RRAGB: variants seen among roughly 807,000 people sequenced by gnomAD.
RRAGB encodes the protein Ras related GTP binding B, also known as ras-related GTP-binding protein B.
In RRAGB, 6 loss-of-function variants were observed where a neutral mutation model predicts 29.3. The ratio of observed to expected loss-of-function variants is 0.21; its 90% CI spans 0.11 to 0.40. The LOEUF is 0.40. RRAGB is among the 10% of genes least tolerant of loss of function. The pLI is 1.00. For missense variants in RRAGB, 184 were observed against 272.9 expected (o/e 0.67, Z 2.29); for synonymous variants, 101 against 92.5 (o/e 1.09, Z -0.53).
chrX:55,749,275 C>T (rs1360812126), intron 5 of RRAGB, among the ~76,000 whole-genome samples: 3 of 85,394 alleles, frequency 3.5e-5, no homozygotes, highest in East Asian at 8.0e-4. Context: ...AAGTGAGGAG[C>T]CCCTCTGCCC....
At chrX:55,755,809 A>T in intron 7 of RRAGB, 32 bp from the exon 8 acceptor site, 1 of 1,174,199 alleles carries the variant, frequency 8.5e-7, no homozygotes, top group South Asian at 1.8e-5. Flanking sequence ...ACTATTTTGC[A>T]TGGATTCAAA....
intron 5 of RRAGB, among the ~76,000 whole-genome samples, chrX:55,747,873 C>T (rs1016356292): frequency 4.9e-5 from 5 of 102,719 alleles, no homozygotes; most frequent in Admixed American, 2.1e-4. Context: ...CCTCTTTCCA[C>T]GGTCTCCCTC....
chrX:55,756,294 A>G (rs1270200508), intron 8 of RRAGB, among the ~76,000 whole-genome samples: 1 of 112,513 alleles, frequency 8.9e-6, no homozygotes, highest in Non-Finnish European at 1.9e-5. Flanking sequence ...TTAAGTATTT[A>G]CTATTTGACT....
intron 5 of RRAGB, among the ~76,000 whole-genome samples, chrX:55,748,469 C>G (rs1299980417): frequency 4.5e-4 from 48 of 107,260 alleles, no homozygotes; most frequent in Non-Finnish European, 7.4e-4. Flanking sequence ...CGAGGAGAGT[C>G]TCTGCCTGGC....
intron 2 of RRAGB, 27 bp from the exon 3 acceptor site, chrX:55,722,159 C>T (rs1380810572): frequency 1.3e-5 from 13 of 1,000,711 alleles, no homozygotes; most frequent in Admixed American, 9.3e-5. Flanking sequence ...AACTTTTTTC[C>T]TTTCCTTTTC....
intron 6 of RRAGB, chrX:55,752,231 A>G: frequency 1.3e-6 from 1 of 753,485 alleles, no homozygotes; most frequent in Middle Eastern, 7.6e-4. Flanking sequence ...TCAAAGCCTT[A>G]TTCCCATAGA....
At chrX:55,748,303 T>C (rs2034331572) in intron 5 of RRAGB, among the ~76,000 whole-genome samples, 1 of 112,046 alleles carries the variant, frequency 8.9e-6, no homozygotes. Flanking sequence ...GTCTGGGAAG[T>C]GAGGAGCGTC....
At chrX:55,750,383 A>G (rs544387628) in intron 5 of RRAGB, among the ~76,000 whole-genome samples, 1 of 111,083 alleles carries the variant, frequency 9.0e-6, no homozygotes, top group South Asian at 3.8e-4. Context: ...TCAGAAAGCA[A>G]TCTGGAGGCA....
intron 5 of RRAGB, among the ~76,000 whole-genome samples, chrX:55,734,209 T>C (rs746741385): frequency 9.1e-6 from 1 of 109,384 alleles, no homozygotes; most frequent in South Asian, 4.0e-4. Flanking sequence ...ATGATCCGCC[T>C]GCCTCGGCCT....
intron 5 of RRAGB, among the ~76,000 whole-genome samples, chrX:55,744,111 G>A (rs770398020): frequency 1.8e-5 from 2 of 110,108 alleles, no homozygotes; most frequent in Non-Finnish European, 3.8e-5. Flanking sequence ...AGTATAGGCC[G>A]GACATGGTGG....
chrX:55,740,793 C>T (rs2034040107), intron 5 of RRAGB, among the ~76,000 whole-genome samples: 1 of 111,239 alleles, frequency 9.0e-6, no homozygotes, highest in South Asian at 3.8e-4. Context: ...ATGGTTCCCC[C>T]GGGATTCAGA....
chrX:55,749,249 G>T (rs1252959935), intron 5 of RRAGB, among the ~76,000 whole-genome samples: 1 of 84,963 alleles, frequency 1.2e-5, no homozygotes, highest in Non-Finnish European at 2.3e-5. Context: ...GCCTCTGCCC[G>T]GCCGCCCCTA....
chrX:55,735,844 C>G lies in RRAGB; in HGVS notation c.516+4258C>G, dbSNP rs1005884439. Among the ~76,000 whole-genome samples, 3 of 112,015 alleles carry G rather than the reference C, an allele frequency of 2.7e-5. No individual in the cohort carries two copies. The East Asian group carries it at 8.4e-4, about 31-fold the overall frequency. On this transcript the variant is annotated intron_variant, in intron 5 of 9. Transcript: ENST00000374941. ...TCAGCATTTGCTTGTCTGGGAGAGACTTCATTTCTCTTTCACATATGCAAT... is the reference window on the plus strand; with the variant it reads ...TCAGCATTTGCTTGTCTGGGAGAGAGTTCATTTCTCTTTCACATATGCAAT...
intron 7 of RRAGB, chrX:55,755,435 T>TTA: frequency 1.3e-6 from 1 of 747,842 alleles, no homozygotes; most frequent in Non-Finnish European, 1.6e-6. Context: ...AGCTTGGCCT[T>TTA]TATTAAAATT....
chrX:55,758,143 C>G, intron 9 of RRAGB, 103 bp from the exon 10 acceptor site: 5 of 459,971 alleles, frequency 1.1e-5, no homozygotes, highest in Non-Finnish European at 1.9e-5. Flanking sequence ...CTCTGACATA[C>G]ATTGAGGGAT....
intron 5 of RRAGB, among the ~76,000 whole-genome samples, chrX:55,750,702 A>G (rs1363623988): frequency 1.8e-5 from 2 of 111,662 alleles, no homozygotes; most frequent in Non-Finnish European, 3.8e-5. Context: ...TTCCATATCT[A>G]TATATGTGTC....
chrX:55,738,512 C>G (rs1450310527), intron 5 of RRAGB, among the ~76,000 whole-genome samples: 1 of 112,607 alleles, frequency 8.9e-6, no homozygotes, highest in Non-Finnish European at 1.9e-5. Flanking sequence ...AGTGTGATGG[C>G]TTTCTCAAAT....
At chrX:55,735,596 T>G (rs2033840007) in intron 5 of RRAGB, among the ~76,000 whole-genome samples, 2 of 112,208 alleles carry the variant, frequency 1.8e-5, no homozygotes, top group Non-Finnish European at 3.8e-5. Context: ...AGTGGCACAT[T>G]TAGACCATTT....
At chrX:55,731,714 T>G (rs1420577328) in intron 5 of RRAGB, 128 bp downstream of exon 5, 1 of 449,419 alleles carries the variant, frequency 2.2e-6, no homozygotes, top group Admixed American at 4.5e-5. Flanking sequence ...AAAGTAAAGT[T>G]TTGTCATTTA....
Sources: gnomAD v4.1 joint callset for allele counts (sites outside exome capture counted in the v4.1 genomes callset) on GRCh38, gnomAD v4.1.1 for gene constraint, MANE v1.5 for transcripts, NCBI Gene and HGNC (gene_info 2026-07-23, HGNC 2026-07-21) for gene names.